CDH18: variants seen among roughly 807,000 people sequenced by gnomAD.
CDH18 encodes cadherin-18.
CDH18 carries 31 observed loss-of-function variants against 67.9 expected under a neutral mutation model. That is an observed-to-expected ratio of 0.46 (90% CI 0.34 to 0.62). CDH18 has a LOEUF of 0.62. Ranked by LOEUF, CDH18 falls within the 20% of genes least tolerant of loss-of-function variation. The pLI, the probability that CDH18 is intolerant of heterozygous loss-of-function variation, is 0.01. For missense variants in CDH18, 890 were observed against 975.5 expected (o/e 0.91, Z 1.17); for synonymous variants, 362 against 347.2 (o/e 1.04, Z -0.48).
chr5:19,545,970 T>C (rs1736249122), intron 8 of CDH18, among the ~76,000 whole-genome samples: 1 of 152,098 alleles, frequency 6.6e-6, no homozygotes, highest in Non-Finnish European at 1.5e-5. Context: ...CTATTGAGTA[T>C]AGAGCAGGTC....
chr5:19,763,992 TACA>T (rs1423765516), intron 3 of CDH18, among the ~76,000 whole-genome samples: 1 of 18,498 alleles, frequency 5.4e-5, no homozygotes, highest in Admixed American at 6.3e-4. Context: ...CTACTAAAAA[TACA>T]AAAAAAAAAA....
At chr5:19,520,200 A>G (rs1271638690) in intron 10 of CDH18, among the ~76,000 whole-genome samples, 1 of 151,958 alleles carries the variant, frequency 6.6e-6, no homozygotes, top group Non-Finnish European at 1.5e-5. Context: ...CCCTATTAAT[A>G]CATATATACT....
chr5:19,817,408 T>C (rs1445005540), intron 3 of CDH18, among the ~76,000 whole-genome samples: 2 of 151,994 alleles, frequency 1.3e-5, no homozygotes, highest in Non-Finnish European at 2.9e-5. Flanking sequence ...CTACATGATA[T>C]GTGTACAAGG....
intron 2 of CDH18, among the ~76,000 whole-genome samples, chr5:20,192,130 T>C (rs917992696): frequency 3.3e-5 from 5 of 152,144 alleles, no homozygotes; most frequent in African/African-American, 1.2e-4. Flanking sequence ...CTTTTTTTCA[T>C]TTGTTTCTTG....
Position 20,471,833 on chromosome 5 carries a change from T to TTAAAAAAAAAAAAA in CDH18, c.-580+103628_-580+103629insTTTTTTTTTTTTTA, listed in dbSNP as rs757184101. 2.7e-4 allele frequency among the ~76,000 whole-genome samples: 14 copies of TTAAAAAAAAAAAAA among 51,496 alleles called. 1 individual carries two copies. The highest frequency in any genetic ancestry group is 8.4e-4 in the African/African-American group (13 of 15,476). The allele number at this position is 51,496 out of a possible 152,430, so 33.8% of individuals were successfully genotyped here. ...CTGGGCAACAGATCGAGATTCAGTCTAAAAAAAAAAAAAAAAAAGCAAAAG... is the reference window on the plus strand; with the variant it reads ...CTGGGCAACAGATCGAGATTCAGTCTTAAAAAAAAAAAAAAAAAAAAAAAAAAAAAAAGCAAAAG... On this transcript the variant is annotated intron_variant, in intron 1 of 14. Transcript: ENST00000507958.
intron 1 of CDH18, among the ~76,000 whole-genome samples, chr5:19,981,541 C>A (rs909954522): frequency 6.6e-6 from 1 of 152,088 alleles, no homozygotes; most frequent in African/African-American, 2.4e-5. Flanking sequence ...GGAAGTGAAC[C>A]CACTCCCAAA....
chr5:19,779,354 G>A (rs1012741957), intron 3 of CDH18, among the ~76,000 whole-genome samples: 7 of 152,148 alleles, frequency 4.6e-5, no homozygotes, highest in Admixed American at 2.0e-4. Context: ...AAACCTAATA[G>A]TGGAGACATT....
At position 20,246,896 on chromosome 5, in the gene CDH18, T is replaced by C. The variant is rs796247238; in HGVS notation, c.-518+8548A>G. On this transcript the variant is annotated intron_variant, in intron 2 of 14. Transcript: ENST00000507958. The stretch of plus-strand genomic sequence containing the variant: ...TGCATAACATGAAAATACCTAGAAT[T>C]TGAGAAATCTTGCTTTCCTTGATTT... 6.6e-5 allele frequency among the ~76,000 whole-genome samples: 10 copies of C among 152,130 alleles called. No homozygotes were observed. In the South Asian group the frequency reaches 2.1e-3, roughly 31 times the overall value.
chr5:20,240,811 T>C (rs926688838), intron 2 of CDH18, among the ~76,000 whole-genome samples: 1 of 152,136 alleles, frequency 6.6e-6, no homozygotes, highest in Non-Finnish European at 1.5e-5. Flanking sequence ...CTGCTTTTTA[T>C]TTTTGCTGCT....
intron 1 of CDH18, among the ~76,000 whole-genome samples, chr5:20,409,177 A>T (rs1442009882): frequency 6.6e-6 from 1 of 151,854 alleles, no homozygotes; most frequent in Non-Finnish European, 1.5e-5. Flanking sequence ...AATGAACCTA[A>T]CAGGCATATA....
At chr5:20,379,769 A>C (rs1743762856) in intron 1 of CDH18, among the ~76,000 whole-genome samples, 1 of 151,594 alleles carries the variant, frequency 6.6e-6, no homozygotes, top group Non-Finnish European at 1.5e-5. Flanking sequence ...TGTACTGTGG[A>C]TAGCATTTAT....
At chr5:20,488,189 G>C (rs939623818) in intron 1 of CDH18, among the ~76,000 whole-genome samples, 1 of 152,008 alleles carries the variant, frequency 6.6e-6, no homozygotes, top group South Asian at 2.1e-4. Context: ...GAAATCTAAA[G>C]GTTTGATCAT....
intron 3 of CDH18, among the ~76,000 whole-genome samples, chr5:19,791,433 T>C (rs887217055): frequency 6.6e-6 from 1 of 151,112 alleles, no homozygotes; most frequent in African/African-American, 2.4e-5. Flanking sequence ...AGAAAAAAGA[T>C]TTCTCTTGAT....
intron 1 of CDH18, among the ~76,000 whole-genome samples, chr5:20,485,183 C>A (rs1753086727): frequency 6.6e-6 from 1 of 152,090 alleles, no homozygotes; most frequent in Admixed American, 6.6e-5. Context: ...TATTTCAAAC[C>A]ACAGGGACTT....
At chr5:19,767,965 A>G (rs1244136525) in intron 3 of CDH18, among the ~76,000 whole-genome samples, 1 of 152,176 alleles carries the variant, frequency 6.6e-6, no homozygotes, top group Non-Finnish European at 1.5e-5. Context: ...GCTTTGAGTT[A>G]TGTTAATTTG....
At chr5:19,814,751 A>G (rs1028949517) in intron 3 of CDH18, among the ~76,000 whole-genome samples, 10 of 151,976 alleles carry the variant, frequency 6.6e-5, no homozygotes, top group South Asian at 2.1e-4. Context: ...TCCTAGGCCA[A>G]TTGTAACTAA....
chr5:19,965,151 G>A (rs554220939), intron 2 of CDH18, among the ~76,000 whole-genome samples: 81 of 152,078 alleles, frequency 5.3e-4, no homozygotes, highest in Non-Finnish European at 8.8e-4. Context: ...CTATACCCGC[G>A]TTTTAAACAA....
Position 19,721,394 on chromosome 5 carries a change from TA to T in CDH18, c.595del (p.Tyr199ThrfsTer36). ...PTYGNSARVV[Y>X]SILQGQPYFS... ...GTAGGGTTGTCCTTGGAGAATGCTG[TA>T]AACCACCCGAGCGCTGTTTCCATAG... On this transcript the variant is annotated frameshift_variant, in exon 5 of 13. Coordinates refer to ENST00000382275, the MANE Select transcript of CDH18 (RefSeq NM_004934.5). LOFTEE classifies it high-confidence loss of function. 6.2e-7 allele frequency: 1 copy of T among 1,609,924 alleles called. No individual in the cohort carries two copies. Among genetic ancestry groups the T allele is most frequent in the Non-Finnish European group, 8.5e-7 (1 of 1,176,868 alleles).
intron 2 of CDH18, among the ~76,000 whole-genome samples, chr5:19,913,401 T>C (rs1911846): frequency 6.6e-6 from 1 of 152,130 alleles, no homozygotes; most frequent in Non-Finnish European, 1.5e-5. Flanking sequence ...ATATTAAACT[T>C]GCAACAAGAA....
Sources: gnomAD v4.1 joint callset for allele counts (sites outside exome capture counted in the v4.1 genomes callset) on GRCh38, gnomAD v4.1.1 for gene constraint, MANE v1.5 for transcripts, NCBI Gene and HGNC (gene_info 2026-07-23, HGNC 2026-07-21) for gene names.